The following SLCO5A1 variants were observed in gnomAD, a reference collection of about 807,000 sequenced individuals.
SLCO5A1 encodes solute carrier organic anion transporter family member 5A1.
Under a neutral mutation model 65.1 loss-of-function variants are expected in SLCO5A1, and 39 were observed. The ratio of observed to expected loss-of-function variants is 0.60; its 90% CI spans 0.46 to 0.78. The LOEUF (loss-of-function observed/expected upper bound fraction) is 0.78, where lower values mean the gene tolerates loss of function less well. Among genes scored for constraint, SLCO5A1 ranks in the 30% least tolerant of loss-of-function variants. The pLI, the probability that SLCO5A1 is intolerant of heterozygous loss-of-function variation, is 0.00. For synonymous variants in SLCO5A1, 438 were observed against 415.7 expected (o/e 1.05, Z -0.65); for missense variants, 1,029 against 1,069.4 (o/e 0.96, Z 0.53).
Position 69,726,721 on chromosome 8 carries a change from G to A in SLCO5A1, c.1423+11319C>T, listed in dbSNP as rs774661252. Reference sequence around the variant, plus strand: ...TTGTCATGTTGGTCAGGCTGGTCTCGAACTCCTGGCCACAAGTGATCTGCC... The same window carrying A: ...TTGTCATGTTGGTCAGGCTGGTCTCAAACTCCTGGCCACAAGTGATCTGCC... On this transcript the variant is annotated intron_variant, in intron 5 of 9. Transcript: ENST00000260126. 2.6e-5 allele frequency among the ~76,000 whole-genome samples: 4 copies of A among 151,876 alleles called. No homozygotes were observed. The South Asian group carries it at 6.2e-4, about 24-fold the overall frequency.
chr8:69,695,632 G>T (rs1361305372), intron 6 of SLCO5A1, among the ~76,000 whole-genome samples: 1 of 152,016 alleles, frequency 6.6e-6, no homozygotes, highest in Non-Finnish European at 1.5e-5. Flanking sequence ...GTAACCAGGA[G>T]AGATGAACTT....
intron 7 of SLCO5A1, among the ~76,000 whole-genome samples, chr8:69,681,808 T>C (rs1178292453): frequency 6.6e-6 from 1 of 152,158 alleles, no homozygotes; most frequent in East Asian, 1.9e-4. Flanking sequence ...GGAGGTGCTT[T>C]CCTATACTTT....
intron 8 of SLCO5A1, 127 bp downstream of exon 8, chr8:69,679,251 A>G: frequency 3.9e-6 from 5 of 1,285,562 alleles, no homozygotes; most frequent in Middle Eastern, 2.4e-4. Flanking sequence ...CAAATATCTG[A>G]GCGCCCTCCT....
intron 5 of SLCO5A1, among the ~76,000 whole-genome samples, chr8:69,737,802 TA>T (rs1816620891): frequency 6.6e-6 from 1 of 152,140 alleles, no homozygotes. Context: ...CATAGAAATA[TA>T]AATATGCAAA....
At chr8:69,826,291 A>G (rs1162715085) in intron 2 of SLCO5A1, among the ~76,000 whole-genome samples, 1 of 151,858 alleles carries the variant, frequency 6.6e-6, no homozygotes, top group African/African-American at 2.4e-5. Flanking sequence ...GGATCTAATT[A>G]AACTAAAGAG....
intron 2 of SLCO5A1, among the ~76,000 whole-genome samples, chr8:69,817,643 G>A (rs567332219): frequency 6.6e-6 from 1 of 152,262 alleles, no homozygotes; most frequent in South Asian, 2.1e-4. Context: ...CACAAATGAG[G>A]TTAAATGAGA....
rs1387467173 is a variant in SLCO5A1 at position 69,738,071 on chromosome 8, A to G, written c.1392T>C (p.Gly464=). 1 of 1,613,894 alleles carries G rather than the reference A, an allele frequency of 6.2e-7. No individual in the cohort carries two copies. The highest frequency in any genetic ancestry group is 2.2e-5 in the East Asian group (1 of 44,864). ...FIPKFIESQF[G]IPASNASIYT... ...AGATGCTGGCATTGGAGGCTGGGAT[A>G]CCAAACTGTGACTCGATGAACTTGG... The change falls in exon 5 of 10, where the codon GGT becomes GGC. Residue 464 remains glycine (G), a synonymous_variant. Coordinates refer to ENST00000260126, the MANE Select transcript of SLCO5A1 (RefSeq NM_030958.3).
rs908297611 is a variant in SLCO5A1 at position 69,832,551 on chromosome 8, G to C, written c.123C>G (p.Leu41=). Residue 41 remains leucine, a synonymous_variant, in exon 2 of 10, where the codon CTC becomes CTG. Transcript: ENST00000260126. The surrounding 1 kb of genome is among the most constrained non-coding windows in gnomAD (Gnocchi z 4.5). The part of the protein sequence containing the change: ...ETLRSKSLPV[L]SSASCRPSLS... ...GGCTTGGCCGGCAGGAGGCGCTGCT[G>C]AGGACCGGTAAACTCTTAGACCTGA... The C allele has an allele frequency of 5.0e-6, 8 of 1,610,832 alleles. No homozygotes were observed. The African/African-American group carries it at 9.3e-5, about 19-fold the overall frequency.
chr8:69,792,283 T>C (rs888855278), intron 2 of SLCO5A1, among the ~76,000 whole-genome samples: 1 of 151,862 alleles, frequency 6.6e-6, no homozygotes, highest in Non-Finnish European at 1.5e-5. Context: ...CAGACAAGTG[T>C]ATATTAAGGC....
rs986046979 is a variant in SLCO5A1, at chr8:69,682,328, C to T, written c.1638G>A (p.Met546Ile). The T allele has an allele frequency of 1.9e-6, 3 of 1,605,248 alleles. No homozygotes were observed. Among genetic ancestry groups the T allele is most frequent in the Non-Finnish European group, 2.5e-6 (3 of 1,176,624 alleles). Residue 546 changes from methionine to isoleucine, a missense_variant, in exon 7 of 10, where the codon ATG becomes ATA. Coordinates refer to ENST00000260126, the MANE Select transcript of SLCO5A1 (RefSeq NM_030958.3). Reference sequence around the variant, plus strand: ...AGCTTCCTGTCAGATTCCTATGGGGCATGGTGAGAGAAGGTCTAAGAGAGA... The same window carrying T: ...AGCTTCCTGTCAGATTCCTATGGGGTATGGTGAGAGAAGGTCTAAGAGAGA... ...IPYTTGPSLT[M>I]PHRNLTGSCN...
At position 69,695,937 on chromosome 8, in the gene SLCO5A1, T is replaced by G. The variant is rs115302157; in HGVS notation, c.1622+9094A>C. ...GATAAAGGACTTGAAGAAATGGGTT[T>G]AAAAATAAAAACAGAGCCACCATCA... On this transcript the variant is annotated intron_variant, in intron 6 of 9. Coordinates refer to ENST00000260126, the MANE Select transcript of SLCO5A1 (RefSeq NM_030958.3). Among the ~76,000 whole-genome samples the G allele has an allele frequency of 5.9e-3, 899 of 152,242 alleles. 9 individuals carry two copies. The highest frequency in any genetic ancestry group is 0.021 in the African/African-American group (860 of 41,546).
intron 2 of SLCO5A1, among the ~76,000 whole-genome samples, chr8:69,778,229 GT>G (rs35390719): frequency 9.0e-5 from 7 of 77,512 alleles, no homozygotes; most frequent in Non-Finnish European, 1.2e-4. Flanking sequence ...TATGTATGGG[GT>G]GTGTGTGTGT....
In SLCO5A1 at chr8:69,795,117, C is replaced by T. The variant is rs181923938; in HGVS notation, c.908-33242G>A. The stretch of plus-strand genomic sequence containing the variant: ...ATTACAATTTGACATGAGATTTGGG[C>T]GAGGACACAAATCCAAGCCATATCA... On this transcript the variant is annotated intron_variant, in intron 2 of 9. Transcript: ENST00000260126. Among the ~76,000 whole-genome samples, 8 of 152,222 alleles carry T rather than the reference C, an allele frequency of 5.3e-5. No individual in the cohort carries two copies. The East Asian group carries it at 1.2e-3, about 22-fold the overall frequency.
intron 3 of SLCO5A1, among the ~76,000 whole-genome samples, chr8:69,759,267 T>C (rs1023939641): frequency 1.8e-4 from 28 of 152,348 alleles, no homozygotes; most frequent in African/African-American, 6.7e-4. Context: ...TACAAGCAGT[T>C]ACTCAATAAA....
intron 6 of SLCO5A1, among the ~76,000 whole-genome samples, chr8:69,687,571 A>C (rs1260320896): frequency 6.6e-6 from 1 of 152,178 alleles, no homozygotes; most frequent in East Asian, 1.9e-4. Context: ...AAATATCTTT[A>C]TTTATTATTA....
rs114296096 is a variant in SLCO5A1 at position 69,800,830 on chromosome 8, C to T, written c.907+30937G>A. 3.2e-3 allele frequency among the ~76,000 whole-genome samples: 490 copies of T among 152,284 alleles called. 2 individuals carry two copies. The highest frequency in any genetic ancestry group is 0.01 in the Middle Eastern group (3 of 294). ...CCCTTTGACAGAGGAAAAGGGTGTT[C>T]CCCTGGCAGTTAAGTGTTCCAGCCT... On this transcript the variant is annotated intron_variant, in intron 2 of 9. Transcript: ENST00000260126.
intron 6 of SLCO5A1, 111 bp downstream of exon 6, chr8:69,704,920 A>G (rs1475109845): frequency 1.0e-6 from 1 of 990,426 alleles, no homozygotes; most frequent in Non-Finnish European, 1.5e-6. Context: ...GAGCACACAC[A>G]GGGAGAACAG....
intron 1 of SLCO5A1, among the ~76,000 whole-genome samples, chr8:69,834,453 C>A (rs1821328931): frequency 6.6e-6 from 1 of 152,232 alleles, no homozygotes; most frequent in South Asian, 2.1e-4. Flanking sequence ...GCCAAACCCG[C>A]TCCCAGATTC....
At chr8:69,756,687 C>A (rs1250052667) in intron 3 of SLCO5A1, among the ~76,000 whole-genome samples, 1 of 152,202 alleles carries the variant, frequency 6.6e-6, no homozygotes, top group Non-Finnish European at 1.5e-5. Flanking sequence ...AGAACAGGAG[C>A]TATTAGACTC....
Sources: gnomAD v4.1 joint callset for allele counts (sites outside exome capture counted in the v4.1 genomes callset) on GRCh38, gnomAD v4.1.1 for gene constraint, Gnocchi (gnomAD v3.1) non-coding constraint, MANE v1.5 for transcripts, NCBI Gene and HGNC (gene_info 2026-07-23, HGNC 2026-07-21) for gene names.